Variants in ZNF423 observed in about 807,000 individuals in gnomAD.
ZNF423 encodes zinc finger protein 423, also known as Ebf-associated zinc finger protein.
Under a neutral mutation model 95.8 loss-of-function variants are expected in ZNF423, and 12 were observed. The observed-to-expected ratio is 0.13, with a 90% CI of 0.08 to 0.20. The LOEUF is 0.20. Among genes scored for constraint, ZNF423 ranks in the 10% least tolerant of loss-of-function variants. The pLI is 1.00. For synonymous variants in ZNF423, 749 were observed against 711.9 expected (o/e 1.05, Z -0.83); for missense variants, 1,316 against 1,737.1 (o/e 0.76, Z 4.31).
intron 7 of ZNF423, among the ~76,000 whole-genome samples, chr16:49,507,843 T>A (rs371138440): frequency 2.0e-5 from 3 of 152,194 alleles, no homozygotes; most frequent in African/African-American, 7.2e-5. Context: ...AAACTCACAG[T>A]GCAAGTTGGT....
At chr16:49,803,873 T>C (rs982785033) in intron 1 of ZNF423, among the ~76,000 whole-genome samples, 1 of 150,744 alleles carries the variant, frequency 6.6e-6, no homozygotes, top group African/African-American at 2.4e-5. Flanking sequence ...TCTGTCTCCA[T>C]AGCCATAGCC....
chr16:49,702,002 T>C (rs2032197369), intron 3 of ZNF423, among the ~76,000 whole-genome samples: 1 of 152,156 alleles, frequency 6.6e-6, no homozygotes, highest in Non-Finnish European at 1.5e-5. Flanking sequence ...ACCCTACATT[T>C]TGAGGCATTA....
chr16:49,834,822 G>C (rs2035099725), intron 1 of ZNF423, among the ~76,000 whole-genome samples: 1 of 151,984 alleles, frequency 6.6e-6, no homozygotes, highest in African/African-American at 2.4e-5. Context: ...AGAGCCGCCG[G>C]CTGTGCGCTC....
At chr16:49,797,140 G>C (rs915503837) in intron 1 of ZNF423, among the ~76,000 whole-genome samples, 1 of 150,148 alleles carries the variant, frequency 6.7e-6, no homozygotes, top group Non-Finnish European at 1.5e-5. Flanking sequence ...AACAGGTAAA[G>C]GGGACAGCGA....
chr16:49,706,603 G>A (rs1333382456), intron 3 of ZNF423, among the ~76,000 whole-genome samples: 1 of 152,236 alleles, frequency 6.6e-6, no homozygotes, highest in African/African-American at 2.4e-5. Flanking sequence ...GAATCCAGGT[G>A]TCAGAAGGAA....
intron 2 of ZNF423, among the ~76,000 whole-genome samples, chr16:49,749,190 G>A (rs1190801233): frequency 6.6e-6 from 1 of 152,126 alleles, no homozygotes; most frequent in Non-Finnish European, 1.5e-5. Context: ...TCCCCTGGGA[G>A]CCCTGGGCTA....
chr16:49,667,950 C>T (rs759550986), intron 3 of ZNF423, among the ~76,000 whole-genome samples: 3 of 152,146 alleles, frequency 2.0e-5, no homozygotes, highest in Non-Finnish European at 4.4e-5. Context: ...CCTGGGCTGG[C>T]AGAGGCAGTG....
At chr16:49,748,269 C>A (rs1214036539) in intron 2 of ZNF423, among the ~76,000 whole-genome samples, 1 of 152,186 alleles carries the variant, frequency 6.6e-6, no homozygotes, top group Non-Finnish European at 1.5e-5. Context: ...ATAAAGCAGA[C>A]CTTCTTGGAC....
At chr16:49,532,725 T>C (rs1968898987) in intron 5 of ZNF423, among the ~76,000 whole-genome samples, 1 of 152,232 alleles carries the variant, frequency 6.6e-6, no homozygotes, top group Non-Finnish European at 1.5e-5. Flanking sequence ...CTCAACCTTG[T>C]AACTGACCCT....
chr16:49,646,851 C>T (rs982690198), intron 3 of ZNF423, among the ~76,000 whole-genome samples: 2 of 152,270 alleles, frequency 1.3e-5, no homozygotes, highest in African/African-American at 2.4e-5. Flanking sequence ...GGATCACAGG[C>T]GTGAGCCACC....
intron 5 of ZNF423, among the ~76,000 whole-genome samples, chr16:49,602,205 C>T (rs949160804): frequency 6.6e-6 from 1 of 152,210 alleles, no homozygotes; most frequent in Non-Finnish European, 1.5e-5. Context: ...TCACTGCCTC[C>T]GCCAGGAAGG....
intron 5 of ZNF423, among the ~76,000 whole-genome samples, chr16:49,586,060 C>A (rs961069970): frequency 5.9e-5 from 9 of 152,126 alleles, no homozygotes; most frequent in African/African-American, 2.2e-4. Context: ...CCTCCCAGAA[C>A]GCTAACCTGG....
rs146973401 is a variant in ZNF423 at position 49,643,507 on chromosome 16, C to G, written c.302-4633G>C. Among the ~76,000 whole-genome samples the G allele has an allele frequency of 7.9e-3, 1,192 of 150,332 alleles. 15 individuals carry two copies. Among genetic ancestry groups the G allele is most frequent in the African/African-American group, 0.027 (1,094 of 40,818 alleles). On this transcript the variant is annotated intron_variant, in intron 3 of 7. Transcript: ENST00000563137. ...CAGCAGAGTCAGGATGTGAACCCCC[C>G]CTTAGTCCTGTTCAGTCAGTGTTTT...
intron 1 of ZNF423, among the ~76,000 whole-genome samples, chr16:49,811,807 G>C (rs368260967): frequency 1.2e-5 from 1 of 81,802 alleles, no homozygotes; most frequent in Non-Finnish European, 2.4e-5. Context: ...CTGACCGCCC[G>C]CCTCAGCCAC....
chr16:49,613,835 T>C (rs542280920), intron 5 of ZNF423, among the ~76,000 whole-genome samples: 2 of 151,482 alleles, frequency 1.3e-5, no homozygotes, highest in Admixed American at 6.6e-5. Context: ...ATATTGTATA[T>C]AAAAACTAAC....
intron 5 of ZNF423, among the ~76,000 whole-genome samples, chr16:49,540,378 G>A (rs1597074432): frequency 6.6e-6 from 1 of 152,096 alleles, no homozygotes; most frequent in Non-Finnish European, 1.5e-5. Context: ...AGGCTCAGGC[G>A]ATCCTCACAC....
intron 3 of ZNF423, among the ~76,000 whole-genome samples, chr16:49,646,373 G>T (rs890082739): frequency 7.2e-5 from 11 of 152,034 alleles, no homozygotes; most frequent in Admixed American, 5.2e-4. Flanking sequence ...CACACCTGAT[G>T]CCAGAACTAG....
chr16:49,536,538 G>A (rs541929733), intron 5 of ZNF423, among the ~76,000 whole-genome samples: 11 of 151,220 alleles, frequency 7.3e-5, no homozygotes, highest in African/African-American at 2.7e-4. Context: ...AAACTTCTGG[G>A]CTCAAGAGAT....
rs1319738441 is a variant in ZNF423 at position 49,635,270 on chromosome 16, T to C, written c.3516+390A>G. Among the ~76,000 whole-genome samples, 1 of 152,192 alleles carries C rather than the reference T, an allele frequency of 6.6e-6. No homozygotes were observed. The highest frequency in any genetic ancestry group is 1.5e-5 in the Non-Finnish European group (1 of 68,032). ...ACCCAATAAGCAAATGAGTATGTCA[T>C]ACCCCAGCTCAACAACAAAGACACA... On this transcript the variant is annotated intron_variant, in intron 4 of 7. Coordinates refer to ENST00000563137, the MANE Select transcript of ZNF423 (RefSeq NM_001379286.1). The surrounding 1 kb of genome is among the most constrained non-coding windows in gnomAD (Gnocchi z 4.8).
Sources: gnomAD v4.1 joint callset for allele counts (sites outside exome capture counted in the v4.1 genomes callset) on GRCh38, gnomAD v4.1.1 for gene constraint, Gnocchi (gnomAD v3.1) non-coding constraint, MANE v1.5 for transcripts, NCBI Gene and HGNC (gene_info 2026-07-23, HGNC 2026-07-21) for gene names.